The following CNTN4 variants were observed in gnomAD, a reference collection of about 807,000 sequenced individuals.
CNTN4 encodes the protein contactin 4, also known as contactin-4.
Under a neutral mutation model 122.5 loss-of-function variants are expected in CNTN4, and 77 were observed. That is an observed-to-expected ratio of 0.63 (90% CI 0.52 to 0.76). The LOEUF (loss-of-function observed/expected upper bound fraction) is 0.76, where lower values mean the gene tolerates loss of function less well. Ranked by LOEUF, CNTN4 falls within the 30% of genes least tolerant of loss-of-function variation. CNTN4 has a pLI of 0.00. For missense variants in CNTN4, 1,256 were observed against 1,259.1 expected (o/e 1.00, Z 0.04); for synonymous variants, 512 against 447.0 (o/e 1.15, Z -1.83).
At chr3:2,377,834 A>G (rs2045878826) in intron 3 of CNTN4, among the ~76,000 whole-genome samples, 1 of 152,068 alleles carries the variant, frequency 6.6e-6, no homozygotes, top group South Asian at 2.1e-4. Context: ...GTGGCGCCAG[A>G]CAATTCCTCT....
chr3:2,624,362 C>T (rs538430088), intron 4 of CNTN4, among the ~76,000 whole-genome samples: 7 of 152,010 alleles, frequency 4.6e-5, no homozygotes, highest in Non-Finnish European at 8.8e-5. Context: ...TTTTAGAAAG[C>T]TTGAGAGAGA....
intron 6 of CNTN4, among the ~76,000 whole-genome samples, chr3:2,806,190 C>T (rs1420389933): frequency 5.3e-5 from 8 of 152,154 alleles, no homozygotes; most frequent in Non-Finnish European, 8.8e-5. Context: ...CGTGAGCCAC[C>T]GCGCCCAGCC....
chr3:2,771,740 A>G (rs2091109893), intron 6 of CNTN4, among the ~76,000 whole-genome samples: 1 of 152,254 alleles, frequency 6.6e-6, no homozygotes, highest in African/African-American at 2.4e-5. Flanking sequence ...GTGGAAGAGA[A>G]AGACATACAG....
intron 7 of CNTN4, among the ~76,000 whole-genome samples, chr3:2,827,149 C>T (rs935052527): frequency 7.2e-5 from 11 of 152,160 alleles, no homozygotes; most frequent in African/African-American, 2.7e-4. Flanking sequence ...GTGCTTTGGA[C>T]GACTGGTCAC....
intron 2 of CNTN4, among the ~76,000 whole-genome samples, chr3:2,240,594 A>G (rs1219271094): frequency 1.3e-5 from 2 of 152,148 alleles, no homozygotes; most frequent in Non-Finnish European, 2.9e-5. Flanking sequence ...GTAATTTTGT[A>G]GGTGAACAAT....
At chr3:2,884,098 CTT>C (rs35945793) in intron 9 of CNTN4, among the ~76,000 whole-genome samples, 1 of 146,936 alleles carries the variant, frequency 6.8e-6, no homozygotes. Flanking sequence ...ACAACAGTAA[CTT>C]TTTTTTTTTT....
chr3:2,537,024 A>G (rs1559205731), intron 3 of CNTN4, among the ~76,000 whole-genome samples: 1 of 152,154 alleles, frequency 6.6e-6, no homozygotes, highest in Non-Finnish European at 1.5e-5. Context: ...ATATATGAGT[A>G]GTATGGAATT....
intron 6 of CNTN4, among the ~76,000 whole-genome samples, chr3:2,758,227 A>C (rs2090427910): frequency 6.6e-6 from 1 of 152,234 alleles, no homozygotes; most frequent in South Asian, 2.1e-4. Context: ...AATAATGCCG[A>C]ATAAATGCTG....
chr3:3,000,217 C>T (rs962836709), intron 14 of CNTN4, among the ~76,000 whole-genome samples: 2 of 151,610 alleles, frequency 1.3e-5, no homozygotes, highest in African/African-American at 4.8e-5. Context: ...ATAATAGTGT[C>T]CAAAACAAGA....
chr3:2,937,655 A>T (rs1008130851), intron 13 of CNTN4, among the ~76,000 whole-genome samples: 6 of 152,210 alleles, frequency 3.9e-5, no homozygotes, highest in Non-Finnish European at 7.3e-5. Context: ...GACCATGTAT[A>T]CACACATCAA....
chr3:2,842,906 AAAGTAT>A (rs2093388808), intron 7 of CNTN4, among the ~76,000 whole-genome samples: 2 of 151,906 alleles, frequency 1.3e-5, no homozygotes, highest in South Asian at 4.2e-4. Context: ...TTCTTAAAGT[AAAGTAT>A]AAGTGTCCTC....
intron 2 of CNTN4, among the ~76,000 whole-genome samples, chr3:2,185,964 G>T (rs2037233789): frequency 6.6e-6 from 1 of 151,486 alleles, no homozygotes; most frequent in Non-Finnish European, 1.5e-5. Flanking sequence ...AAGTTCTAGG[G>T]TACATGTGCA....
At position 2,287,958 on chromosome 3, in the gene CNTN4, A is replaced by AT. The variant is rs561363595; in HGVS notation, c.-144-51212dup. 1.1e-3 allele frequency among the ~76,000 whole-genome samples: 167 copies of AT among 152,046 alleles called. 1 individual carries two copies. The highest frequency in any genetic ancestry group is 1.5e-3 in the Non-Finnish European group (104 of 67,962). On this transcript the variant is annotated intron_variant, in intron 2 of 24. Transcript: ENST00000418658. ...TTGGTAAATTGAGAATAAAGATCTCATTTTTTTTGTGTTAACTTTATAAGA... is the reference window on the plus strand; with the variant it reads ...TTGGTAAATTGAGAATAAAGATCTCATTTTTTTTTGTGTTAACTTTATAAGA...
intron 3 of CNTN4, among the ~76,000 whole-genome samples, chr3:2,412,733 C>T (rs1018524185): frequency 2.0e-5 from 3 of 151,646 alleles, no homozygotes; most frequent in Non-Finnish European, 1.5e-5. Flanking sequence ...GTGCATCATA[C>T]GTATATACCT....
At chr3:2,491,989 C>T (rs976322181) in intron 3 of CNTN4, among the ~76,000 whole-genome samples, 1 of 151,360 alleles carries the variant, frequency 6.6e-6, no homozygotes, top group African/African-American at 2.4e-5. Context: ...TTTTTAGTTA[C>T]CTGTGAATCA....
chr3:2,463,587 C>T (rs2075393463), intron 3 of CNTN4, among the ~76,000 whole-genome samples: 1 of 151,982 alleles, frequency 6.6e-6, no homozygotes, highest in Admixed American at 6.6e-5. Flanking sequence ...TGGTGAAACC[C>T]CATCTCTACT....
chr3:2,408,829 T>G (rs2047127734), intron 3 of CNTN4, among the ~76,000 whole-genome samples: 1 of 152,222 alleles, frequency 6.6e-6, no homozygotes, highest in Admixed American at 6.5e-5. Context: ...GATGCTATTT[T>G]AGAACAATCT....
chr3:2,545,467 T>A (rs937564473), intron 3 of CNTN4, among the ~76,000 whole-genome samples: 1 of 152,062 alleles, frequency 6.6e-6, no homozygotes, highest in Non-Finnish European at 1.5e-5. Context: ...GGTGTTGAAG[T>A]CTCCCACTAT....
chr3:2,563,623 A>T (rs966763480), intron 3 of CNTN4, among the ~76,000 whole-genome samples: 1 of 152,192 alleles, frequency 6.6e-6, no homozygotes, highest in South Asian at 2.1e-4. Flanking sequence ...TAAGCTTCAT[A>T]TGTATGGATA....
Sources: gnomAD v4.1 joint callset for allele counts (sites outside exome capture counted in the v4.1 genomes callset) on GRCh38, gnomAD v4.1.1 for gene constraint, MANE v1.5 for transcripts, NCBI Gene and HGNC (gene_info 2026-07-23, HGNC 2026-07-21) for gene names.